Variants in RLF observed in about 807,000 individuals in gnomAD.
RLF encodes the protein zinc finger protein Rlf.
A neutral mutation model predicts 162.9 loss-of-function variants in RLF; 7 were observed. The observed-to-expected ratio is 0.04, with a 90% CI of 0.02 to 0.08. RLF has a LOEUF of 0.08. Ranked by LOEUF, RLF falls within the 10% of genes least tolerant of loss-of-function variation. RLF has a pLI of 1.00. For synonymous variants in RLF, 782 were observed against 791.5 expected (o/e 0.99, Z 0.20); for missense variants, 1,664 against 2,244.7 (o/e 0.74, Z 5.23).
chr1:40,235,727 C>A, intron 7 of RLF, 65 bp from the exon 8 acceptor site: 3 of 1,151,326 alleles, frequency 2.6e-6, no homozygotes, highest in Non-Finnish European at 3.6e-6. Flanking sequence ...AATTCCTTAT[C>A]AGTGAAAGTT....
chr1:40,224,879 C>T (rs1426465303), intron 6 of RLF, among the ~76,000 whole-genome samples: 1 of 151,324 alleles, frequency 6.6e-6, no homozygotes, highest in Non-Finnish European at 1.5e-5. Context: ...CCCAGCTACT[C>T]GGGAGCCTGA....
intron 6 of RLF, among the ~76,000 whole-genome samples, chr1:40,229,349 T>C (rs2124558427): frequency 6.6e-6 from 1 of 152,204 alleles, no homozygotes; most frequent in East Asian, 1.9e-4. Flanking sequence ...GTTAGGAAAG[T>C]AGCACTAGCC....
At chr1:40,168,376 G>T (rs1306358032) in intron 1 of RLF, among the ~76,000 whole-genome samples, 2 of 152,108 alleles carry the variant, frequency 1.3e-5, no homozygotes, top group African/African-American at 2.4e-5. Flanking sequence ...CTCTAGAGTG[G>T]CTGGGACTAC....
At chr1:40,190,734 T>G (rs760979646) in intron 2 of RLF, 38 bp from the exon 3 acceptor site, 1 of 1,302,560 alleles carries the variant, frequency 7.7e-7, no homozygotes, top group South Asian at 1.2e-5. Flanking sequence ...TAATTATTAC[T>G]ATAACCACCT....
chr1:40,167,066 CATT>C (rs1642177656), intron 1 of RLF, among the ~76,000 whole-genome samples: 1 of 152,008 alleles, frequency 6.6e-6, no homozygotes, highest in African/African-American at 2.4e-5. Context: ...TTCTTGGAGA[CATT>C]ATTTATCAAT....
chr1:40,189,646 G>T (rs1274581895), intron 2 of RLF, among the ~76,000 whole-genome samples: 1 of 152,096 alleles, frequency 6.6e-6, no homozygotes, highest in Non-Finnish European at 1.5e-5. Context: ...AAGAGATCAT[G>T]ATTTAGCGCG....
chr1:40,175,831 T>C (rs1427202565), intron 1 of RLF, among the ~76,000 whole-genome samples: 3 of 151,626 alleles, frequency 2.0e-5, no homozygotes, highest in Non-Finnish European at 2.9e-5. Context: ...TGGCATATCT[T>C]AATATCCATG....
intron 1 of RLF, among the ~76,000 whole-genome samples, chr1:40,184,780 A>G (rs1642451495): frequency 6.6e-6 from 1 of 152,176 alleles, no homozygotes; most frequent in Non-Finnish European, 1.5e-5. Flanking sequence ...CTCCATCCTT[A>G]CTTCCCAGCA....
In RLF at chr1:40,239,037, T is replaced by C. The variant is rs1643254789; in HGVS notation, c.4335T>C (p.His1445=). ...AAATACATTCAGATTATGAAATTCATTGTGATCTTAATGGCTGTGGCCAGA... is the reference window on the plus strand; with the variant it reads ...AAATACATTCAGATTATGAAATTCACTGTGATCTTAATGGCTGTGGCCAGA... ...EGEIHSDYEI[H]CDLNGCGQIF... Residue 1445 remains histidine (H), a synonymous_variant, in exon 8 of 8, where the codon CAT becomes CAC. Coordinates refer to ENST00000372771, the MANE Select transcript of RLF (RefSeq NM_012421.4). The C allele has an allele frequency of 1.2e-6, 2 of 1,614,086 alleles. No homozygotes were observed. Among genetic ancestry groups the C allele is most frequent in the Admixed American group, 1.7e-5 (1 of 60,002 alleles).
chr1:40,188,017 A>C (rs1359102883), intron 1 of RLF, among the ~76,000 whole-genome samples: 2 of 152,238 alleles, frequency 1.3e-5, no homozygotes, highest in African/African-American at 4.8e-5. Flanking sequence ...GGAACTCCCT[A>C]GCCCAGTCAG....
rs1426019856 is a variant in RLF, at chr1:40,208,688, T to C, written c.810+6074T>C. Among the ~76,000 whole-genome samples, 4 of 119,220 alleles carry C rather than the reference T, an allele frequency of 3.4e-5. No homozygotes were observed. The East Asian group carries it at 6.4e-4, about 19-fold the overall frequency. 78.2% of individuals were successfully genotyped at this position (119,220 alleles called of 152,430 possible). ...CAGAACTTAGCTGGGCGTGGTGGCA[T>C]GTGCCGTAGTCCCAGCTACTCGGGA... On this transcript the variant is annotated intron_variant, in intron 5 of 7. Coordinates refer to ENST00000372771, the MANE Select transcript of RLF (RefSeq NM_012421.4).
intron 5 of RLF, among the ~76,000 whole-genome samples, chr1:40,217,664 C>G (rs1642942370): frequency 6.6e-6 from 1 of 151,492 alleles, no homozygotes; most frequent in Non-Finnish European, 1.5e-5. Context: ...CTCAGCTACT[C>G]GGAAGGCTGA....
At chr1:40,194,807 G>T (rs889158827) in intron 3 of RLF, among the ~76,000 whole-genome samples, 3 of 144,056 alleles carry the variant, frequency 2.1e-5, no homozygotes, top group East Asian at 2.1e-4. Context: ...AAACATCCTA[G>T]TTATTTATTT....
chr1:40,231,466 A>C (rs755886190), intron 6 of RLF, 51 bp from the exon 7 acceptor site: 3 of 1,565,068 alleles, frequency 1.9e-6, no homozygotes, highest in South Asian at 1.2e-5. Flanking sequence ...GGGGCAGGGC[A>C]GCAAATACCA....
chr1:40,219,432 T>C (rs576928977), intron 5 of RLF, among the ~76,000 whole-genome samples: 189 of 152,274 alleles, frequency 1.2e-3, no homozygotes, highest in Middle Eastern at 3.4e-3. Flanking sequence ...ATAACAGATA[T>C]GAAAAAACTC....
intron 5 of RLF, among the ~76,000 whole-genome samples, chr1:40,207,322 GCTTT>G (rs1296618940): frequency 6.6e-6 from 1 of 152,150 alleles, no homozygotes; most frequent in Admixed American, 6.5e-5. Flanking sequence ...TTCCACTCAT[GCTTT>G]CTAAGTTTTT....
At chr1:40,208,499 C>T (rs1333872527) in intron 5 of RLF, among the ~76,000 whole-genome samples, 7 of 152,120 alleles carry the variant, frequency 4.6e-5, no homozygotes, top group South Asian at 2.1e-4. Context: ...TTAAATGTGT[C>T]GGTATCTAAT....
intron 5 of RLF, among the ~76,000 whole-genome samples, chr1:40,220,080 A>G (rs1032413324): frequency 2.0e-5 from 3 of 152,014 alleles, no homozygotes; most frequent in African/African-American, 7.3e-5. Context: ...CTAAAAATAT[A>G]AAAAAATTAG....
chr1:40,168,466 G>A (rs549934689), intron 1 of RLF, among the ~76,000 whole-genome samples: 2 of 151,986 alleles, frequency 1.3e-5, no homozygotes, highest in East Asian at 2.0e-4. Flanking sequence ...GGCTGGTCTC[G>A]AACTTCTGGC....
Sources: allele counts gnomAD v4.1 joint callset (sites outside exome capture counted in the v4.1 genomes callset), GRCh38; gene constraint gnomAD v4.1.1; transcripts MANE v1.5; gene names NCBI Gene and HGNC (gene_info 2026-07-23, HGNC 2026-07-21).